Variants in NAP1L1 observed in about 807,000 individuals in gnomAD.
The protein encoded by NAP1L1 is nucleosome assembly protein 1-like 1.
NAP1L1 carries 9 observed loss-of-function variants against 58.9 expected under a neutral mutation model. The ratio of observed to expected loss-of-function variants is 0.15; its 90% CI spans 0.09 to 0.27. The LOEUF (loss-of-function observed/expected upper bound fraction) is 0.27, where lower values mean the gene tolerates loss of function less well. Ranked by LOEUF, NAP1L1 falls within the 10% of genes least tolerant of loss-of-function variation. NAP1L1 has a pLI of 1.00. For synonymous variants in NAP1L1, 130 were observed against 138.3 expected (o/e 0.94, Z 0.42); for missense variants, 302 against 458.8 (o/e 0.66, Z 3.12).
At position 76,045,304 on chromosome 12, in the gene NAP1L1, A is replaced by C. The variant is rs1440267460; in HGVS notation, c.*3125T>G. On this transcript the variant is annotated 3_prime_UTR_variant, in exon 15 of 15. Transcript: ENST00000618691. ...ACCCATAAAAAAGGACTCCAATTTT[A>C]AACCAATCCCTGAAACCAAAGCATT... 1 of 152,108 alleles carries C rather than the reference A, an allele frequency of 6.6e-6. No individual in the cohort carries two copies. The highest frequency in any genetic ancestry group is 1.5e-5 in the Non-Finnish European group (1 of 67,948). The allele number at this position is 152,108 out of a possible 1,614,324, so 9.4% of individuals were successfully genotyped here. A position where few individuals can be genotyped will look rare whatever the true frequency, so the allele number is the denominator to read the frequency against.
intron 11 of NAP1L1, among the ~76,000 whole-genome samples, chr12:76,051,871 G>A (rs538191448): frequency 4.6e-4 from 70 of 152,010 alleles, no homozygotes; most frequent in African/African-American, 1.6e-3. Flanking sequence ...AAAAATTAGC[G>A]AGTTCAATGG....
At chr12:76,083,693 T>C (rs998204777) in intron 1 of NAP1L1, 3 of 152,134 alleles carry the variant, frequency 2.0e-5, no homozygotes, top group African/African-American at 7.2e-5. Flanking sequence ...TATATACGCG[T>C]TAACTTTTTA....
intron 13 of NAP1L1, 163 bp downstream of exon 13, chr12:76,049,593 C>T: frequency 6.6e-7 from 1 of 1,512,610 alleles, no homozygotes; most frequent in African/African-American, 1.4e-5. Context: ...TTATTGAAAC[C>T]TTATACATAC....
chr12:76,063,108 C>T (rs1949493186), intron 4 of NAP1L1, among the ~76,000 whole-genome samples: 1 of 152,104 alleles, frequency 6.6e-6, no homozygotes, highest in African/African-American at 2.4e-5. Context: ...CAGATACTCA[C>T]TATATATTAC....
Position 76,040,909 on chromosome 12 carries a change from C to T in NAP1L1, c.*7520G>A, listed in dbSNP as rs540247010. The T allele has an allele frequency of 6.6e-6, 1 of 152,328 alleles. No homozygotes were observed. Among genetic ancestry groups the T allele is most frequent in the Admixed American group, 6.5e-5 (1 of 15,300 alleles). The allele number at this position is 152,328 out of a possible 1,614,324, so 9.4% of individuals were successfully genotyped here. A position where few individuals can be genotyped will look rare whatever the true frequency, so the allele number is the denominator to read the frequency against. On this transcript the variant is annotated 3_prime_UTR_variant, in exon 15 of 15. Coordinates refer to ENST00000618691, the MANE Select transcript of NAP1L1 (RefSeq NM_004537.7). ...AACATTTTCTCTAGCTTACTTTTTACAGTATATAATACACATAACATACAA... is the reference window on the plus strand; with the variant it reads ...AACATTTTCTCTAGCTTACTTTTTATAGTATATAATACACATAACATACAA...
intron 6 of NAP1L1, among the ~76,000 whole-genome samples, chr12:76,058,738 C>G (rs983885286): frequency 2.0e-5 from 3 of 151,984 alleles, no homozygotes; most frequent in Non-Finnish European, 2.9e-5. Context: ...TTTGCGGTGA[C>G]CATTTTTGTT....
rs2137117584 is a variant in NAP1L1, at chr12:76,080,619, C to T, written c.-21+3948G>A. On this transcript the variant is annotated intron_variant, in intron 1 of 14. Transcript: ENST00000618691. ...CATCCCCATCATTAACCATGCATGA[C>T]TGTGTATGTAAACAAATTCTATGCT... 2.0e-5 allele frequency among the ~76,000 whole-genome samples: 3 copies of T among 152,264 alleles called. No individual in the cohort carries two copies. The South Asian group carries it at 6.2e-4, about 32-fold the overall frequency.
chr12:76,065,193 A>C (rs1267426992), intron 4 of NAP1L1, among the ~76,000 whole-genome samples: 3 of 152,134 alleles, frequency 2.0e-5, no homozygotes, highest in Non-Finnish European at 4.4e-5. Flanking sequence ...TTTACTATTT[A>C]CTTAATATAC....
At chr12:76,074,398 A>G (rs1188408450) in intron 1 of NAP1L1, 159 bp from the exon 2 acceptor site, 8 of 972,362 alleles carry the variant, frequency 8.2e-6, no homozygotes, top group Non-Finnish European at 9.8e-6. Context: ...AAACTCATGG[A>G]ACATGCAAAT....
chr12:76,050,376 T>C (rs1376935853), intron 12 of NAP1L1, among the ~76,000 whole-genome samples, 155 bp downstream of exon 12: 1 of 152,176 alleles, frequency 6.6e-6, no homozygotes, highest in African/African-American at 2.4e-5. Flanking sequence ...GGAGACATAC[T>C]TAAAACCCAG....
At chr12:76,058,421 C>G (rs1949238942) in intron 6 of NAP1L1, among the ~76,000 whole-genome samples, 1 of 147,196 alleles carries the variant, frequency 6.8e-6, no homozygotes, top group South Asian at 2.1e-4. Flanking sequence ...GAGTCTCACA[C>G]TGTCGCCTGG....
chr12:76,056,875 T>C, intron 6 of NAP1L1: 2 of 308,518 alleles, frequency 6.5e-6, no homozygotes, highest in Non-Finnish European at 6.5e-6. Flanking sequence ...TAGTCAGGCA[T>C]GGTGGCGCAC....
chr12:76,049,002 A>G (rs1403961822), intron 14 of NAP1L1, 198 bp downstream of exon 14: 2 of 567,490 alleles, frequency 3.5e-6, no homozygotes, highest in Non-Finnish European at 6.1e-6. Flanking sequence ...CCAAACAAAA[A>G]ACAATGTTTT....
At position 76,067,562 on chromosome 12, in the gene NAP1L1, C is replaced by T. The variant is rs1949739412; in HGVS notation, c.104-89G>A. ...GACAATCCAATCTCATGAAGTTTTC[C>T]TAACTGGCCCATAAATTGCTGGTAT... On this transcript the variant is annotated intron_variant, in intron 3 of 14. Coordinates refer to ENST00000618691, the MANE Select transcript of NAP1L1 (RefSeq NM_004537.7). The T allele has an allele frequency of 3.9e-6, 4 of 1,022,738 alleles. No homozygotes were observed. In the East Asian group the frequency reaches 1.0e-4, roughly 25 times the overall value. The allele number at this position is 1,022,738 out of a possible 1,614,324, so 63.4% of individuals were successfully genotyped here.
intron 2 of NAP1L1, among the ~76,000 whole-genome samples, chr12:76,070,901 T>G (rs1328028070): frequency 6.6e-6 from 1 of 152,174 alleles, no homozygotes; most frequent in Non-Finnish European, 1.5e-5. Context: ...CCAGACAAAG[T>G]GGCTCATGCC....
At chr12:76,081,685 A>C in intron 1 of NAP1L1, among the ~76,000 whole-genome samples, 1 of 152,366 alleles carries the variant, frequency 6.6e-6, no homozygotes, top group African/African-American at 2.4e-5. Flanking sequence ...TGGTAACCAA[A>C]GGTATAGAAG....
chr12:76,059,943 TCTCA>T (rs1949325821), intron 5 of NAP1L1, 65 bp from the exon 6 acceptor site: 3 of 1,350,578 alleles, frequency 2.2e-6, no homozygotes, highest in Admixed American at 2.2e-5. Flanking sequence ...ACCAGTGGTT[TCTCA>T]CTAAGAAGTC....
intron 8 of NAP1L1, among the ~76,000 whole-genome samples, chr12:76,054,760 GA>G (rs1184240208): frequency 6.6e-6 from 1 of 152,150 alleles, no homozygotes; most frequent in Non-Finnish European, 1.5e-5. Context: ...TTTTAATGCA[GA>G]AAAAGTACTT....
intron 2 of NAP1L1, among the ~76,000 whole-genome samples, chr12:76,071,224 G>A (rs1010625791): frequency 6.6e-6 from 1 of 152,086 alleles, no homozygotes; most frequent in African/African-American, 2.4e-5. Context: ...TTACCACCAA[G>A]CCTTTTACAG....
Sources: gnomAD v4.1 joint callset for allele counts (sites outside exome capture counted in the v4.1 genomes callset) on GRCh38, gnomAD v4.1.1 for gene constraint, MANE v1.5 for transcripts, NCBI Gene and HGNC (gene_info 2026-07-23, HGNC 2026-07-21) for gene names.